RHPN1: variants seen among roughly 807,000 people sequenced by gnomAD.
The protein encoded by RHPN1 is rhophilin Rho GTPase binding protein 1.
Under a neutral mutation model 74.7 loss-of-function variants are expected in RHPN1, and 77 were observed. The observed-to-expected ratio is 1.03, with a 90% CI of 0.86 to 1.25. The LOEUF (loss-of-function observed/expected upper bound fraction) is 1.25. RHPN1 is among the 50% of genes most tolerant of loss of function. The pLI is 0.00. For synonymous variants in RHPN1, 444 were observed against 414.5 expected (o/e 1.07, Z -0.87); for missense variants, 987 against 932.2 (o/e 1.06, Z -0.77).
In RHPN1 at chr8:143,376,631, G is replaced by A. The variant is rs186027780; in HGVS notation, c.283G>A (p.Val95Met). ...KEELEELSGG[V>M]DPGRHGSEAV... ...GGAGCTGGAGGAGCTCAGCGGTGGC[G>A]TGGACCCTGGCCGGCATGGGAGGTG... is the stretch of plus-strand genomic sequence containing the variant. Residue 95 changes from valine (V) to methionine (M), a missense_variant, in exon 3 of 15, where the codon GTG becomes ATG. Coordinates refer to ENST00000289013, the MANE Select transcript of RHPN1 (RefSeq NM_052924.3). 2.1e-4 allele frequency: 327 copies of A among 1,578,706 alleles called. No homozygotes were observed. The African/African-American group carries it at 3.6e-3, about 18-fold the overall frequency.
rs753463567 is a variant in RHPN1 at position 143,381,330 on chromosome 8, A to G, written c.1474A>G (p.Ile492Val). 18 of 1,611,442 alleles carry G rather than the reference A, an allele frequency of 1.1e-5. No homozygotes were observed. In the South Asian group the frequency reaches 1.8e-4, roughly 16 times the overall value. Residue 492 changes from isoleucine (I) to valine (V), a missense_variant, in exon 12 of 15, where the codon ATC becomes GTC. Transcript: ENST00000289013. The stretch of plus-strand genomic sequence containing the variant: ...CCTGTCCCAGGGGAAGGGGCCTGAC[A>G]TCTTCCATCGGCTGGTGAGCACACC... ...PRLSQGKGPDIFHRLGPLSVF... is the reference protein window; with the variant it reads ...PRLSQGKGPDVFHRLGPLSVF...
chr8:143,376,440 G>A, intron 2 of RHPN1, 85 bp from the exon 3 acceptor site: 1 of 1,559,906 alleles, frequency 6.4e-7, no homozygotes, highest in South Asian at 1.2e-5. Flanking sequence ...GCTTTGACAG[G>A]TCAGCTGGCA....
intron 1 of RHPN1, 22 bp downstream of exon 1, chr8:143,369,069 G>A: frequency 6.9e-7 from 1 of 1,459,246 alleles, no homozygotes; most frequent in Non-Finnish European, 9.0e-7. Flanking sequence ...TGGCGCGGCG[G>A]CGGGAGGAGG....
In RHPN1 at chr8:143,381,554, C is replaced by T; in HGVS notation, c.1489-18C>T. On this transcript the variant is annotated intron_variant, in intron 12 of 14. Transcript: ENST00000289013. ...GTGTGTGGCCCAGCTGGGCCTCTGA[C>T]CTCTGAGCCCCTGCCAGGGGCCCCT... 1 of 1,601,226 alleles carries T rather than the reference C, an allele frequency of 6.2e-7. No homozygotes were observed. The highest frequency in any genetic ancestry group is 8.5e-7 in the Non-Finnish European group (1 of 1,177,050).
intron 3 of RHPN1, 129 bp from the exon 4 acceptor site, chr8:143,377,251 C>T: frequency 1.5e-6 from 1 of 670,262 alleles, no homozygotes; most frequent in South Asian, 1.9e-5. Flanking sequence ...CCCCCCAGGA[C>T]ACAGGCGCAC....
intron 7 of RHPN1, 45 bp downstream of exon 7, chr8:143,379,123 G>A: frequency 1.4e-6 from 2 of 1,451,324 alleles, no homozygotes; most frequent in Non-Finnish European, 1.8e-6. Flanking sequence ...CGGTGCCAGG[G>A]TGTTGCAGAG....
intron 1 of RHPN1, among the ~76,000 whole-genome samples, chr8:143,370,659 C>T (rs773998159): frequency 3.9e-5 from 6 of 152,238 alleles, no homozygotes; most frequent in Non-Finnish European, 5.9e-5. Context: ...TGGAGTCCTG[C>T]CATTGGTGCC....
upstream of RHPN1, among the ~76,000 whole-genome samples, chr8:143,365,057 A>G (rs1006598070): frequency 6.6e-6 from 1 of 152,162 alleles, no homozygotes; most frequent in African/African-American, 2.4e-5. Context: ...CCACACTCCA[A>G]GATCTTAACA....
chr8:143,366,011 A>G (rs1349247335), upstream of RHPN1, among the ~76,000 whole-genome samples: 17 of 151,474 alleles, frequency 1.1e-4, no homozygotes. Flanking sequence ...CAAAAAAAAA[A>G]AAAAAGGCCA....
At chr8:143,377,349 T>C (rs1818349138) in intron 3 of RHPN1, 31 bp from the exon 4 acceptor site, 1 of 1,596,718 alleles carries the variant, frequency 6.3e-7, no homozygotes, top group South Asian at 1.1e-5. Flanking sequence ...GGTTTGGCCT[T>C]ACAGTCTGAA....
rs1818622241 is a variant in RHPN1, at chr8:143,380,244, C to G, written c.1216+69C>G. The stretch of plus-strand genomic sequence containing the variant: ...CCAACGGTGGCAGGGTGTCCCCCAC[C>G]ACCCTCATGCTGTTTGCCACCTGCT... On this transcript the variant is annotated intron_variant, in intron 10 of 14. Transcript: ENST00000289013. The G allele has an allele frequency of 2.8e-6, 3 of 1,079,604 alleles. No homozygotes were observed. In the African/African-American group the frequency reaches 4.8e-5, roughly 17 times the overall value. 66.9% of individuals were successfully genotyped at this position (1,079,604 alleles called of 1,614,324 possible).
intron 1 of RHPN1, among the ~76,000 whole-genome samples, chr8:143,375,108 G>A (rs764727234): frequency 7.9e-5 from 12 of 152,246 alleles, no homozygotes; most frequent in Non-Finnish European, 1.5e-4. Context: ...TTGGAGGCGT[G>A]GGTGAGTTGG....
chr8:143,376,775 C>T lies in RHPN1; in HGVS notation c.305+122C>T, dbSNP rs866052754. ...TATGTGTGCATTGTCTGTGTGTGTG[C>T]GTGTGTGCATGTGTGTGCATGCATG... is the stretch of plus-strand genomic sequence containing the variant. On this transcript the variant is annotated intron_variant, in intron 3 of 14. Coordinates refer to ENST00000289013, the MANE Select transcript of RHPN1 (RefSeq NM_052924.3). 3.1e-4 allele frequency: 357 copies of T among 1,160,296 alleles called. 1 individual carries two copies. The highest frequency in any genetic ancestry group is 9.8e-4 in the South Asian group (65 of 66,168). 71.9% of individuals were successfully genotyped at this position (1,160,296 alleles called of 1,614,324 possible).
rs376366303 is a variant in RHPN1 at position 143,377,362 on chromosome 8, C to T, written c.306-18C>T. On this transcript the variant is annotated intron_variant, in intron 3 of 14. Coordinates refer to ENST00000289013, the MANE Select transcript of RHPN1 (RefSeq NM_052924.3). ...AGGGTTTGGCCTTACAGTCTGAAGT[C>T]GATGCTTCTGGTTACAGCGAAGCTG... The T allele has an allele frequency of 3.1e-6, 5 of 1,608,832 alleles. No individual in the cohort carries two copies. In the East Asian group the frequency reaches 6.7e-5, roughly 22 times the overall value.
chr8:143,379,278 C>T (rs1427674477), intron 7 of RHPN1, 37 bp from the exon 8 acceptor site: 2 of 1,531,868 alleles, frequency 1.3e-6, no homozygotes, highest in Non-Finnish European at 1.8e-6. Context: ...TGGGCAGGTA[C>T]AGGGCCCTGC....
At position 143,378,357 on chromosome 8, in the gene RHPN1, C is replaced by CCCG; in HGVS notation, c.459+13_459+14insGCC. 3 of 1,520,946 alleles carry CCCG rather than the reference C, an allele frequency of 2.0e-6. No homozygotes were observed. Among genetic ancestry groups the CCCG allele is most frequent in the Admixed American group, 2.0e-5 (1 of 50,770 alleles). 94.2% of individuals were successfully genotyped at this position (1,520,946 alleles called of 1,614,324 possible). A position where few individuals can be genotyped will look rare whatever the true frequency, so the allele number is the denominator to read the frequency against. Reference sequence around the variant, plus strand: ...GAGGCCCTGCGGCAGGTGTGTGGTTCCCCCGCCCACCCACCCTCCTGCAGC... The same window carrying CCCG: ...GAGGCCCTGCGGCAGGTGTGTGGTTCCCGCCCCGCCCACCCACCCTCCTGCAGC... On this transcript the variant is annotated intron_variant, in intron 5 of 14. Coordinates refer to ENST00000289013, the MANE Select transcript of RHPN1 (RefSeq NM_052924.3).
chr8:143,381,481 C>G (rs982370795), intron 12 of RHPN1, 91 bp from the exon 13 acceptor site: 1 of 1,500,504 alleles, frequency 6.7e-7, no homozygotes, highest in Admixed American at 2.0e-5. Context: ...CACGGTGTCC[C>G]TCGGTGCACA....
upstream of RHPN1, chr8:143,366,561 ACG>A (rs1563780017): frequency 6.6e-6 from 1 of 150,960 alleles, no homozygotes; most frequent in Admixed American, 6.6e-5. Context: ...ACGCACACAC[ACG>A]CACACGCACA....
At chr8:143,369,775 C>T (rs930014490) in intron 1 of RHPN1, among the ~76,000 whole-genome samples, 1 of 152,244 alleles carries the variant, frequency 6.6e-6, no homozygotes, top group African/African-American at 2.4e-5. Context: ...CCGCGGGCTG[C>T]TCCTGCTCCT....
Sources: gnomAD v4.1 joint callset for allele counts (sites outside exome capture counted in the v4.1 genomes callset) on GRCh38, gnomAD v4.1.1 for gene constraint, MANE v1.5 for transcripts, NCBI Gene and HGNC (gene_info 2026-07-23, HGNC 2026-07-21) for gene names.